Variants in TYRP1 observed in about 807,000 individuals in gnomAD.
TYRP1 encodes 5,6-dihydroxyindole-2-carboxylic acid oxidase.
In TYRP1, 49 loss-of-function variants were observed where a neutral mutation model predicts 42.8. The ratio of observed to expected loss-of-function variants is 1.14; its 90% CI spans 0.91 to 1.45. TYRP1 has a LOEUF of 1.45. TYRP1 is among the 40% of genes most tolerant of loss of function. TYRP1 has a pLI of 0.00. For missense variants in TYRP1, 848 were observed against 662.0 expected, an observed-to-expected ratio of 1.28 and a Z score of -3.08; for synonymous variants, 279 against 235.4, an observed-to-expected ratio of 1.19 and a Z score of -1.69.
At position 12,710,159 on chromosome 9, in the gene TYRP1, T is replaced by C. The variant is rs1486519325; in HGVS notation, c.*977T>C. The C allele has an allele frequency of 6.6e-6, 1 of 151,732 alleles. No individual in the cohort carries two copies. Among genetic ancestry groups the C allele is most frequent in the Non-Finnish European group, 1.5e-5 (1 of 67,792 alleles). 9.4% of individuals were successfully genotyped at this position (151,732 alleles called of 1,614,324 possible). On this transcript the variant is annotated 3_prime_UTR_variant, in exon 8 of 8. Coordinates refer to ENST00000388918, the MANE Select transcript of TYRP1 (RefSeq NM_000550.3). ...TTTTCCCTTCTCTTCTAACATGAAA[T>C]ATATTTTCTCTTTTTGATCTTGTGC...
At chr9:12,703,317 T>G (rs1003795594) in intron 5 of TYRP1, among the ~76,000 whole-genome samples, 8 of 152,128 alleles carry the variant, frequency 5.3e-5, no homozygotes, top group African/African-American at 1.7e-4. Flanking sequence ...CTAATAATTA[T>G]TTTTAATTCT....
At position 12,702,361 on chromosome 9, in the gene TYRP1, A is replaced by G; in HGVS notation, c.1004A>G (p.Gln335Arg). The G allele has an allele frequency of 1.2e-6, 2 of 1,613,152 alleles. No homozygotes were observed. The highest frequency in any genetic ancestry group is 1.7e-6 in the Non-Finnish European group (2 of 1,179,492). The change falls in exon 5 of 8, where the codon CAG becomes CGG. Residue 335 changes from glutamine to arginine, a missense_variant. By Grantham distance (43) the Gln-to-Arg change is conservative. Transcript: ENST00000388918. ...QRLPEPQDVA[Q>R]CLEVGLFDTP... is the part of the protein sequence containing the mutation. ...CTTCCTGAACCACAGGATGTCGCTC[A>G]GTGCTTGGAAGTTGGTTTATTTGAC... is the stretch of plus-strand genomic sequence containing the variant.
At position 12,702,322 on chromosome 9, in the gene TYRP1, C is replaced by T; in HGVS notation, c.965C>T (p.Pro322Leu). 4 of 1,613,150 alleles carry T rather than the reference C, an allele frequency of 2.5e-6. No individual in the cohort carries two copies. The highest frequency in any genetic ancestry group is 3.4e-6 in the Non-Finnish European group (4 of 1,179,496). Reference protein sequence around the residue: ...RRNPAGNVARPMVQRLPEPQD... With the variant: ...RRNPAGNVARLMVQRLPEPQD... ...AATCCAGCTGGAAATGTGGCCAGAC[C>T]AATGGTGCAACGTCTTCCTGAACCA... Residue 322 changes from proline to leucine, a missense_variant, in exon 5 of 8, where the codon CCA (proline) becomes CTA (leucine). Pro to Leu is a moderately conservative substitution (Grantham distance 98, BLOSUM62 -3). Coordinates refer to ENST00000388918, the MANE Select transcript of TYRP1 (RefSeq NM_000550.3).
rs138153768 is a variant in TYRP1 at position 12,709,362 on chromosome 9, A to G, written c.*180A>G. On this transcript the variant is annotated 3_prime_UTR_variant, in exon 8 of 8. Coordinates refer to ENST00000388918, the MANE Select transcript of TYRP1 (RefSeq NM_000550.3). Reference sequence around the variant, plus strand: ...GGAAGACCCTTTCAGAATCTTTTCAATGGGTTTTAATTTTCAGTTCTATTT... The same window carrying G: ...GGAAGACCCTTTCAGAATCTTTTCAGTGGGTTTTAATTTTCAGTTCTATTT... The G allele has an allele frequency of 3.1e-6, 2 of 637,256 alleles. No homozygotes were observed. Among genetic ancestry groups the G allele is most frequent in the South Asian group, 1.9e-5 (1 of 53,708 alleles). The allele number at this position is 637,256 out of a possible 1,614,324, so 39.5% of individuals were successfully genotyped here.
At chr9:12,706,249 A>G (rs1818256125) in intron 6 of TYRP1, among the ~76,000 whole-genome samples, 1 of 152,012 alleles carries the variant, frequency 6.6e-6, no homozygotes, top group African/African-American at 2.4e-5. Context: ...GTTATTCACA[A>G]TGCCGTGGGT....
At position 12,698,520 on chromosome 9, in the gene TYRP1, A is replaced by G. The variant is rs757120481; in HGVS notation, c.778A>G (p.Ile260Val). The change falls in exon 4 of 8, where the codon ATC becomes GTC. Residue 260 changes from isoleucine to valine, a missense_variant. By Grantham distance (29) the Ile-to-Val change is conservative (BLOSUM62 3). Coordinates refer to ENST00000388918, the MANE Select transcript of TYRP1 (RefSeq NM_000550.3). ...TGCAACGGGGAAAAATGTCTGTGAT[A>G]TCTGCACGGATGACTTGATGGGATC... is the stretch of plus-strand genomic sequence containing the variant. ...NFATGKNVCD[I>V]CTDDLMGSRS... The G allele has an allele frequency of 1.2e-6, 2 of 1,613,846 alleles. No individual in the cohort carries two copies. Among genetic ancestry groups the G allele is most frequent in the Non-Finnish European group, 1.7e-6 (2 of 1,179,822 alleles).
At chr9:12,703,475 G>A (rs1190380148) in intron 5 of TYRP1, among the ~76,000 whole-genome samples, 1 of 151,814 alleles carries the variant, frequency 6.6e-6, no homozygotes, top group African/African-American at 2.4e-5. Context: ...CAGCACTGAT[G>A]TTTTAAAAAA....
rs533464059 is a variant in TYRP1, at chr9:12,693,903, C to G, written c.-85-9C>G. 1 of 1,560,908 alleles carries G rather than the reference C, an allele frequency of 6.4e-7. No homozygotes were observed. Among genetic ancestry groups the G allele is most frequent in the East Asian group, 2.3e-5 (1 of 44,420 alleles). On this transcript the variant is annotated splice_polypyrimidine_tract_variant and intron_variant, in intron 1 of 7. Coordinates refer to ENST00000388918, the MANE Select transcript of TYRP1 (RefSeq NM_000550.3). ...CTTGCATAATCTCATTTTACTTTCTCTTTTTCAGCTGGATTTTCCTCTACG... is the reference window on the plus strand; with the variant it reads ...CTTGCATAATCTCATTTTACTTTCTGTTTTTCAGCTGGATTTTCCTCTACG...
At chr9:12,698,705 G>T in intron 4 of TYRP1, 50 bp downstream of exon 4, 1 of 1,544,228 alleles carries the variant, frequency 6.5e-7, no homozygotes, top group Non-Finnish European at 8.9e-7. Context: ...TAGATAAAGA[G>T]ATTAAATATG....
At position 12,704,755 on chromosome 9, in the gene TYRP1, A is replaced by T. The variant is rs372446715; in HGVS notation, c.1261+50A>T. 2.6e-6 allele frequency: 4 copies of T among 1,563,366 alleles called. No homozygotes were observed. The Admixed American group carries it at 6.7e-5, about 26-fold the overall frequency. On this transcript the variant is annotated intron_variant, in intron 6 of 7. Transcript: ENST00000388918. ...GCATGCTCAGCTGGGCGGATTGTTT[A>T]GATGGCATAGTTATCAGTTCAAGCT...
intron 3 of TYRP1, among the ~76,000 whole-genome samples, chr9:12,697,554 A>G (rs1482749953): frequency 6.6e-6 from 1 of 152,176 alleles, no homozygotes; most frequent in Non-Finnish European, 1.5e-5. Flanking sequence ...TTAAAGTGAA[A>G]AAGTAGAAAT....
intron 6 of TYRP1, among the ~76,000 whole-genome samples, chr9:12,706,164 G>GAATT (rs1240584983): frequency 2.0e-5 from 3 of 151,936 alleles, no homozygotes; most frequent in Non-Finnish European, 4.4e-5. Flanking sequence ...ATAGGTTTAG[G>GAATT]AATTAACAAA....
At position 12,698,433 on chromosome 9, in the gene TYRP1, G is replaced by A; in HGVS notation, c.709-18G>A. ...GTAAACAGAAGCAGAGAGTATTAATGTGGTTTCTGTGATCTAGGAAATGTT... is the reference window on the plus strand; with the variant it reads ...GTAAACAGAAGCAGAGAGTATTAATATGGTTTCTGTGATCTAGGAAATGTT... On this transcript the variant is annotated intron_variant, in intron 3 of 7. Transcript: ENST00000388918. The A allele has an allele frequency of 6.2e-7, 1 of 1,606,426 alleles. No individual in the cohort carries two copies. The highest frequency in any genetic ancestry group is 8.5e-7 in the Non-Finnish European group (1 of 1,173,256).
intron 5 of TYRP1, among the ~76,000 whole-genome samples, chr9:12,703,561 G>A (rs956424356): frequency 6.0e-5 from 9 of 151,238 alleles, no homozygotes; most frequent in Non-Finnish European, 1.0e-4. Flanking sequence ...ATAAAAAGAC[G>A]AGTGTCAAGC....
chr9:12,707,252 T>A (rs1243751447), intron 6 of TYRP1, among the ~76,000 whole-genome samples: 1 of 151,978 alleles, frequency 6.6e-6, no homozygotes, highest in Non-Finnish European at 1.5e-5. Context: ...GTGAGAGAAA[T>A]GAAGTAATCA....
chr9:12,705,701 G>A (rs1818246814), intron 6 of TYRP1, among the ~76,000 whole-genome samples: 1 of 151,914 alleles, frequency 6.6e-6, no homozygotes. Context: ...ACAAAAATTA[G>A]CCAGGCATGG....
intron 6 of TYRP1, 39 bp from the exon 7 acceptor site, chr9:12,707,958 T>G: frequency 6.4e-6 from 10 of 1,556,850 alleles, no homozygotes; most frequent in Non-Finnish European, 8.8e-6. Flanking sequence ...ATATTAATTT[T>G]ATTATGTTTA....
At chr9:12,700,014 T>C (rs1021468705) in intron 4 of TYRP1, 5 of 152,134 alleles carry the variant, frequency 3.3e-5, no homozygotes, top group Non-Finnish European at 7.4e-5. Context: ...TTGAAGAATA[T>C]TTATTTTAGG....
rs1182223255 is a variant in TYRP1 at position 12,695,843 on chromosome 9, T to A, written c.708+6T>A. The A allele has an allele frequency of 6.2e-7, 1 of 1,613,636 alleles. No homozygotes were observed. Among genetic ancestry groups the A allele is most frequent in the African/African-American group, 1.3e-5 (1 of 75,034 alleles). Reference sequence around the variant, plus strand: ...GTCTGGAGAAAGACATGCAGGTATGTAAGAAGCATTTCAGTTTGCAGACTC... The same window carrying A: ...GTCTGGAGAAAGACATGCAGGTATGAAAGAAGCATTTCAGTTTGCAGACTC... On this transcript the variant is annotated splice_donor_region_variant and intron_variant, in intron 3 of 7. Transcript: ENST00000388918.
Sources: allele counts gnomAD v4.1 joint callset (sites outside exome capture counted in the v4.1 genomes callset), GRCh38; gene constraint gnomAD v4.1.1; transcripts MANE v1.5; gene names NCBI Gene and HGNC (gene_info 2026-07-23, HGNC 2026-07-21).